The following PFDN1 variants were observed in gnomAD, a reference collection of about 807,000 sequenced individuals.
PFDN1 encodes the protein prefoldin 1.
PFDN1 carries 6 observed loss-of-function variants against 17.3 expected under a neutral mutation model. The ratio of observed to expected loss-of-function variants is 0.35; its 90% CI spans 0.19 to 0.69. The LOEUF is 0.69. Ranked by LOEUF, PFDN1 falls within the 30% of genes least tolerant of loss-of-function variation. The probability of loss-of-function intolerance (pLI) is 0.65; values close to 1 mark genes in which losing one functional copy is unlikely to be tolerated. For missense variants in PFDN1, 113 were observed against 146.2 expected (o/e 0.77, Z 1.17); for synonymous variants, 58 against 50.1 (o/e 1.16, Z -0.67).
intron 3 of PFDN1, among the ~76,000 whole-genome samples, chr5:140,268,464 G>A (rs1212959512): frequency 1.6e-4 from 24 of 152,002 alleles, no homozygotes; most frequent in Admixed American, 1.5e-3. Context: ...CCTGGCCAAC[G>A]TGGTGAAACC....
At chr5:140,258,352 C>A (rs577999872) in intron 3 of PFDN1, among the ~76,000 whole-genome samples, 1 of 151,796 alleles carries the variant, frequency 6.6e-6, no homozygotes, top group East Asian at 1.9e-4. Flanking sequence ...AGCCAAAACC[C>A]CCCTGAGCAG....
chr5:140,286,597 C>CGGAGGGGTGGGGGGGGGGGGGGGGGGGGG (rs1561513907), intron 2 of PFDN1, among the ~76,000 whole-genome samples: 1 of 27,346 alleles, frequency 3.7e-5, no homozygotes, highest in African/African-American at 1.8e-4. Context: ...ATTTTTTTTG[C>CGGAGGGGTGGGGGGGGGGGGGGGGGGGGG]GGGGGGGGGG....
intron 2 of PFDN1, among the ~76,000 whole-genome samples, chr5:140,288,613 G>C (rs984913592): frequency 6.6e-6 from 1 of 152,184 alleles, no homozygotes; most frequent in African/African-American, 2.4e-5. Flanking sequence ...GAAACAGTGT[G>C]GGAGAGAGTG....
intron 3 of PFDN1, among the ~76,000 whole-genome samples, chr5:140,278,462 G>A (rs183896348): frequency 1.3e-4 from 20 of 148,734 alleles, no homozygotes; most frequent in Admixed American, 1.2e-3. Context: ...TCAGGAGGCT[G>A]AGGCAGAAGA....
intron 2 of PFDN1, among the ~76,000 whole-genome samples, chr5:140,288,521 T>C (rs1376317345): frequency 1.3e-5 from 2 of 152,206 alleles, no homozygotes; most frequent in African/African-American, 2.4e-5. Flanking sequence ...AAACTATGGA[T>C]CTTAGTTAAC....
intron 2 of PFDN1, among the ~76,000 whole-genome samples, chr5:140,292,197 A>C (rs571763168): frequency 7.2e-5 from 11 of 152,280 alleles, no homozygotes; most frequent in East Asian, 5.8e-4. Flanking sequence ...ACGTATAGGC[A>C]GTGAGTTATT....
intron 2 of PFDN1, among the ~76,000 whole-genome samples, chr5:140,289,110 C>T (rs1308146514): frequency 6.6e-6 from 1 of 152,004 alleles, no homozygotes; most frequent in Non-Finnish European, 1.5e-5. Flanking sequence ...ACATGACAAA[C>T]TCCCATCTAT....
intron 3 of PFDN1, among the ~76,000 whole-genome samples, chr5:140,247,195 C>T (rs575049433): frequency 6.9e-6 from 1 of 145,172 alleles, no homozygotes; most frequent in African/African-American, 2.4e-5. Context: ...ATGGTGCAAT[C>T]ACGGTTCACT....
chr5:140,279,057 C>T (rs112462662), intron 3 of PFDN1, among the ~76,000 whole-genome samples: 4 of 151,954 alleles, frequency 2.6e-5, no homozygotes, highest in Non-Finnish European at 5.9e-5. Flanking sequence ...AGTTATATTA[C>T]TAAAGTAGCA....
intron 2 of PFDN1, among the ~76,000 whole-genome samples, chr5:140,291,182 G>T (rs919623212): frequency 5.9e-5 from 9 of 152,216 alleles, no homozygotes; most frequent in African/African-American, 2.2e-4. Flanking sequence ...GATTACTCTG[G>T]CTGATCAGTT....
rs546769736 is a variant in PFDN1 at position 140,272,956 on chromosome 5, G to C, written c.285+8493C>G. On this transcript the variant is annotated intron_variant, in intron 3 of 3. Coordinates refer to ENST00000261813, the MANE Select transcript of PFDN1 (RefSeq NM_002622.5). ...GCTATGCAAGCAGATGAACTGCTGG[G>C]CATATGTCTTGTTTAATGTTTTAAA... Among the ~76,000 whole-genome samples the C allele has an allele frequency of 7.2e-5, 11 of 152,230 alleles. No homozygotes were observed. In the South Asian group the frequency reaches 2.1e-3, roughly 29 times the overall value.
intron 3 of PFDN1, among the ~76,000 whole-genome samples, chr5:140,253,150 T>C (rs894560001): frequency 6.6e-6 from 1 of 152,162 alleles, no homozygotes; most frequent in African/African-American, 2.4e-5. Context: ...GATACTACTT[T>C]AGAAATATCC....
intron 3 of PFDN1, among the ~76,000 whole-genome samples, chr5:140,277,272 G>A (rs1005749664): frequency 1.3e-5 from 2 of 151,802 alleles, no homozygotes; most frequent in African/African-American, 4.8e-5. Flanking sequence ...ACAACTATTG[G>A]TTTTACATGA....
chr5:140,276,097 A>C (rs1441534692), intron 3 of PFDN1, among the ~76,000 whole-genome samples: 1 of 152,194 alleles, frequency 6.6e-6, no homozygotes, highest in Non-Finnish European at 1.5e-5. Flanking sequence ...GATTAGACTG[A>C]CAAGAAATAC....
At chr5:140,247,922 C>T (rs1666753875) in intron 3 of PFDN1, among the ~76,000 whole-genome samples, 1 of 151,990 alleles carries the variant, frequency 6.6e-6, no homozygotes, top group Admixed American at 6.6e-5. Context: ...AAGAGCAAAA[C>T]TCCAACTCAT....
intron 1 of PFDN1, 28 bp from the exon 2 acceptor site, chr5:140,300,610 A>T: frequency 6.6e-7 from 1 of 1,508,566 alleles, no homozygotes; most frequent in South Asian, 1.2e-5. Context: ...ATGATTTAGT[A>T]GGTAAAACAT....
At position 140,298,453 on chromosome 5, in the gene PFDN1, C is replaced by T. The variant is rs185471440; in HGVS notation, c.200+1963G>A. Among the ~76,000 whole-genome samples the T allele has an allele frequency of 5.7e-4, 87 of 151,980 alleles. No individual in the cohort carries two copies. In the Middle Eastern group the frequency reaches 0.017, roughly 30 times the overall value. On this transcript the variant is annotated intron_variant, in intron 2 of 3. Coordinates refer to ENST00000261813, the MANE Select transcript of PFDN1 (RefSeq NM_002622.5). ...AAAGACCAAATTCCAGAAAAACCCT[C>T]CTCCTGTACCTCCCCCCAACTTAAA...
At chr5:140,273,222 G>T (rs1376277619) in intron 3 of PFDN1, among the ~76,000 whole-genome samples, 1 of 147,632 alleles carries the variant, frequency 6.8e-6, no homozygotes. Context: ...TCTAGCCTGG[G>T]CAACAGAGCA....
rs747502245 is a variant in PFDN1, at chr5:140,246,102, G to GC, written c.286-46dup. The GC allele has an allele frequency of 4.2e-6, 5 of 1,190,064 alleles. No homozygotes were observed. In the South Asian group the frequency reaches 5.2e-5, roughly 12 times the overall value. The allele number at this position is 1,190,064 out of a possible 1,614,324, so 73.7% of individuals were successfully genotyped here. A position where few individuals can be genotyped will look rare whatever the true frequency, so the allele number is the denominator to read the frequency against. ...CAAAGGTTAGGACCAGAGTGAATGGGCCGGGCTGGAAGACACAGCTTTGAT... is the reference window on the plus strand; with the variant it reads ...CAAAGGTTAGGACCAGAGTGAATGGGCCCGGGCTGGAAGACACAGCTTTGAT... On this transcript the variant is annotated intron_variant, in intron 3 of 3. Coordinates refer to ENST00000261813, the MANE Select transcript of PFDN1 (RefSeq NM_002622.5).
Sources: allele counts gnomAD v4.1 joint callset (sites outside exome capture counted in the v4.1 genomes callset), GRCh38; gene constraint gnomAD v4.1.1; transcripts MANE v1.5; gene names NCBI Gene and HGNC (gene_info 2026-07-23, HGNC 2026-07-21).